SLC5A2: variants seen among roughly 807,000 people sequenced by gnomAD.
The protein encoded by SLC5A2 is sodium/glucose cotransporter 2.
Under a neutral mutation model 69.0 loss-of-function variants are expected in SLC5A2, and 67 were observed. The observed-to-expected ratio is 0.97, with a 90% CI of 0.80 to 1.19. The LOEUF is 1.19. Ranked by LOEUF, SLC5A2 falls within the 50% of genes most tolerant of loss-of-function variation. The probability of loss-of-function intolerance (pLI) is 0.00; values close to 1 mark genes in which losing one functional copy is unlikely to be tolerated. For synonymous variants in SLC5A2, 455 were observed against 395.8 expected, an observed-to-expected ratio of 1.15 and a Z score of -1.78; for missense variants, 1,001 against 921.5, an observed-to-expected ratio of 1.09 and a Z score of -1.12.
At position 31,490,709 on chromosome 16, in the gene SLC5A2, G is replaced by A. The variant is rs1351838328; in HGVS notation, c.*174G>A. On this transcript the variant is annotated 3_prime_UTR_variant, in exon 14 of 14. Transcript: ENST00000330498. Reference sequence around the variant, plus strand: ...CATCTGATTGGCAGTCACTTCCCATGAGGGCCTGGCCCACCCGCTGCAGTT... The same window carrying A: ...CATCTGATTGGCAGTCACTTCCCATAAGGGCCTGGCCCACCCGCTGCAGTT... 4.1e-6 allele frequency: 5 copies of A among 1,207,842 alleles called. No homozygotes were observed. Among genetic ancestry groups the A allele is most frequent in the Non-Finnish European group, 6.0e-6 (5 of 828,316 alleles). 74.8% of individuals were successfully genotyped at this position (1,207,842 alleles called of 1,614,324 possible). A position where few individuals can be genotyped will look rare whatever the true frequency, so the allele number is the denominator to read the frequency against.
rs766825806 is a variant in SLC5A2, at chr16:31,484,666, C to T, written c.127-7C>T. 21 of 1,606,484 alleles carry T rather than the reference C, an allele frequency of 1.3e-5. No individual in the cohort carries two copies. Among genetic ancestry groups the T allele is most frequent in the Admixed American group, 1.7e-5 (1 of 59,994 alleles). ...AAACCCAGGTCTCCCCCGCCTCTGT[C>T]TCCCAGTCCATGTGCAGAACCAACA... On this transcript the variant is annotated splice_polypyrimidine_tract_variant and splice_region_variant and intron_variant, in intron 1 of 13. Transcript: ENST00000330498.
At chr16:31,489,456 G>T in intron 12 of SLC5A2, 118 bp downstream of exon 12, 1 of 894,824 alleles carries the variant, frequency 1.1e-6, no homozygotes, top group Non-Finnish European at 1.8e-6. Context: ...ATGGGCTGGG[G>T]GTCCAGCTGC....
In SLC5A2 at chr16:31,489,218, G is replaced by T; in HGVS notation, c.1545G>T (p.Ser515=). The change falls in exon 12 of 14, where the codon TCG becomes TCT. Residue 515 remains serine (S), a synonymous_variant. Coordinates refer to ENST00000330498, the MANE Select transcript of SLC5A2 (RefSeq NM_003041.4). ...GCTCGGGCAGCTGTGTGCAGCCCTCGGCGTGCCCAGCTTTCCTCTGCGGCG... is the reference window on the plus strand; with the variant it reads ...GCTCGGGCAGCTGTGTGCAGCCCTCTGCGTGCCCAGCTTTCCTCTGCGGCG... ...SFGSGSCVQP[S]ACPAFLCGVH... 6.2e-7 allele frequency: 1 copy of T among 1,610,264 alleles called. No homozygotes were observed.
In SLC5A2 at chr16:31,489,243, G is replaced by C. The variant is rs2082535332; in HGVS notation, c.1570G>C (p.Val524Leu). The change falls in exon 12 of 14, where the codon GTG becomes CTG. Residue 524 changes from valine (V) to leucine (L), a missense_variant. Coordinates refer to ENST00000330498, the MANE Select transcript of SLC5A2 (RefSeq NM_003041.4). The part of the protein sequence containing the change: ...PSACPAFLCG[V>L]HYLYFAIVLF... ...GGCGTGCCCAGCTTTCCTCTGCGGC[G>C]TGCACTACCTCTACTTCGCCATTGT... 3.1e-6 allele frequency: 5 copies of C among 1,610,518 alleles called. No individual in the cohort carries two copies. The East Asian group carries it at 1.1e-4, about 36-fold the overall frequency.
intron 12 of SLC5A2, chr16:31,489,638 G>A (rs1209761553): frequency 1.7e-5 from 9 of 536,322 alleles, no homozygotes; most frequent in African/African-American, 1.1e-4. Context: ...CATCTTGAAC[G>A]CCCACAAAAA....
chr16:31,486,208 T>G lies in SLC5A2; in HGVS notation c.507T>G (p.Ala169=). The change falls in exon 5 of 14, where the codon GCT becomes GCG. Residue 169 remains alanine, a synonymous_variant. Coordinates refer to ENST00000330498, the MANE Select transcript of SLC5A2 (RefSeq NM_003041.4). The stretch of plus-strand genomic sequence containing the variant: ...CCGGAGCTGTATTCATCCAGCAGGC[T>G]CTGGGCTGGAACATCTATGCCTCCG... ...MFSGAVFIQQ[A]LGWNIYASVI... is the part of the protein sequence containing the mutation. The G allele has an allele frequency of 6.2e-7, 1 of 1,613,826 alleles. No homozygotes were observed. Among genetic ancestry groups the G allele is most frequent in the Non-Finnish European group, 8.5e-7 (1 of 1,179,838 alleles).
rs531611356 is a variant in SLC5A2 at position 31,489,457 on chromosome 16, G to A, written c.1665+119G>A. On this transcript the variant is annotated intron_variant, in intron 12 of 13. Coordinates refer to ENST00000330498, the MANE Select transcript of SLC5A2 (RefSeq NM_003041.4). ...ACTGAGGGTTGGGAATGGGCTGGGG[G>A]TCCAGCTGCAGTTGCAATTGCCGAG... The A allele has an allele frequency of 1.6e-4, 145 of 888,770 alleles. No individual in the cohort carries two copies. In the East Asian group the frequency reaches 3.2e-3, roughly 19 times the overall value. 55.1% of individuals were successfully genotyped at this position (888,770 alleles called of 1,614,324 possible).
intron 12 of SLC5A2, chr16:31,489,886 G>A (rs1196898059): frequency 6.6e-6 from 4 of 603,240 alleles, no homozygotes; most frequent in Non-Finnish European, 1.2e-5. Context: ...GGGGAGCAAG[G>A]CCAACGGCTT....
chr16:31,489,393 C>T, intron 12 of SLC5A2, 55 bp downstream of exon 12: 6 of 1,510,258 alleles, frequency 4.0e-6, no homozygotes, highest in Non-Finnish European at 5.4e-6. Flanking sequence ...CTACCCTCTG[C>T]TTCCTGGAGT....
At position 31,488,505 on chromosome 16, in the gene SLC5A2, G is replaced by A. The variant is rs778844446; in HGVS notation, c.1129+15G>A. 1.9e-6 allele frequency: 3 copies of A among 1,603,926 alleles called. No homozygotes were observed. The highest frequency in any genetic ancestry group is 2.2e-5 in the East Asian group (1 of 44,538). ...CATGCCCAACGGTAAGGGCAGCCCC[G>A]GGCCACAGGCGCAAGCTCGCTGCGG... On this transcript the variant is annotated intron_variant, in intron 9 of 13. Coordinates refer to ENST00000330498, the MANE Select transcript of SLC5A2 (RefSeq NM_003041.4).
At chr16:31,483,516 A>G (rs1264812008) in intron 1 of SLC5A2, among the ~76,000 whole-genome samples, 1 of 152,142 alleles carries the variant, frequency 6.6e-6, no homozygotes, top group Non-Finnish European at 1.5e-5. Context: ...ATGGGGTCTC[A>G]TTCCCCTGGC....
chr16:31,483,873 C>T (rs1329403425), intron 1 of SLC5A2, among the ~76,000 whole-genome samples: 3 of 151,464 alleles, frequency 2.0e-5, no homozygotes, highest in African/African-American at 7.3e-5. Context: ...AGATGTGAGC[C>T]ACTGTGCCTG....
At chr16:31,486,595 C>G (rs2082497669) in intron 5 of SLC5A2, among the ~76,000 whole-genome samples, 1 of 152,204 alleles carries the variant, frequency 6.6e-6, no homozygotes, top group African/African-American at 2.4e-5. Context: ...TCTGGCAAAA[C>G]CCAGTATGGT....
In SLC5A2 at chr16:31,489,423, A is replaced by T. The variant is rs1005518414; in HGVS notation, c.1665+85A>T. Reference sequence around the variant, plus strand: ...TGGAGTGCCCAGCTGGGAGGACCTGAATTTCTCGACTGAGGGTTGGGAATG... The same window carrying T: ...TGGAGTGCCCAGCTGGGAGGACCTGTATTTCTCGACTGAGGGTTGGGAATG... On this transcript the variant is annotated intron_variant, in intron 12 of 13. Coordinates refer to ENST00000330498, the MANE Select transcript of SLC5A2 (RefSeq NM_003041.4). The T allele has an allele frequency of 4.8e-6, 6 of 1,259,496 alleles. No homozygotes were observed. The African/African-American group carries it at 8.9e-5, about 19-fold the overall frequency. The allele number at this position is 1,259,496 out of a possible 1,614,324, so 78.0% of individuals were successfully genotyped here. A position where few individuals can be genotyped will look rare whatever the true frequency, so the allele number is the denominator to read the frequency against.
intron 3 of SLC5A2, chr16:31,485,344 T>C (rs904923133): frequency 6.9e-6 from 3 of 436,674 alleles, no homozygotes; most frequent in Non-Finnish European, 1.3e-5. Flanking sequence ...GGAGGGGAGA[T>C]TGGGCTTTGA....
At chr16:31,486,097 G>A in intron 4 of SLC5A2, 73 bp from the exon 5 acceptor site, 1 of 1,281,776 alleles carries the variant, frequency 7.8e-7, no homozygotes, top group Non-Finnish European at 1.1e-6. Context: ...AGGCTAGTAG[G>A]GCATGGCCTG....
chr16:31,489,295 C>G lies in SLC5A2; in HGVS notation c.1622C>G (p.Thr541Ser), dbSNP rs754494605. ...CTGTTCTTCTGCTCTGGCCTCCTCA[C>G]CCTCACGGTCTCCCTGTGCACCGCG... is the stretch of plus-strand genomic sequence containing the variant. ...IVLFFCSGLLTLTVSLCTAPI... is the reference protein window; with the variant it reads ...IVLFFCSGLLSLTVSLCTAPI... Residue 541 changes from threonine to serine, a missense_variant, in exon 12 of 14, where the codon ACC (threonine) becomes AGC (serine). Transcript: ENST00000330498. 1 of 1,610,458 alleles carries G rather than the reference C, an allele frequency of 6.2e-7. No individual in the cohort carries two copies. Among genetic ancestry groups the G allele is most frequent in the African/African-American group, 1.3e-5 (1 of 74,942 alleles).
chr16:31,484,563 C>A, intron 1 of SLC5A2, 110 bp from the exon 2 acceptor site: 3 of 1,247,150 alleles, frequency 2.4e-6, no homozygotes, highest in Non-Finnish European at 3.5e-6. Flanking sequence ...ATCAGGGAAA[C>A]TTGGCTCGTT....
intron 10 of SLC5A2, 52 bp from the exon 11 acceptor site, chr16:31,488,828 C>T: frequency 6.2e-7 from 1 of 1,601,154 alleles, no homozygotes; most frequent in Non-Finnish European, 8.5e-7. Flanking sequence ...GGGGCTTGCG[C>T]ACCTGCAGGG....
Sources: gnomAD v4.1 joint callset for allele counts (sites outside exome capture counted in the v4.1 genomes callset) on GRCh38, gnomAD v4.1.1 for gene constraint, MANE v1.5 for transcripts, NCBI Gene and HGNC (gene_info 2026-07-23, HGNC 2026-07-21) for gene names.